Variants in CP observed in about 807,000 individuals in gnomAD.
The protein encoded by CP is caeruloplasmin.
In CP, 64 loss-of-function variants were observed where a neutral mutation model predicts 122.4. The observed-to-expected ratio is 0.52, with a 90% CI of 0.43 to 0.64. CP has a LOEUF of 0.64. Ranked by LOEUF, CP falls within the 30% of genes least tolerant of loss-of-function variation. The pLI is 0.00. For missense variants in CP, 1,167 were observed against 1,284.4 expected, an observed-to-expected ratio of 0.91 and a Z score of 1.40; for synonymous variants, 440 against 436.4, an observed-to-expected ratio of 1.01 and a Z score of -0.10.
downstream of CP, among the ~76,000 whole-genome samples, chr3:149,171,535 T>C (rs1177896366): frequency 3.3e-5 from 5 of 152,114 alleles, no homozygotes; most frequent in Non-Finnish European, 7.4e-5. Flanking sequence ...AATATAGTAA[T>C]TCAGCAATGA....
chr3:149,182,687 G>A (rs16861602), intron 13 of CP, among the ~76,000 whole-genome samples: 7,820 of 152,122 alleles, frequency 0.051, 663 homozygotes, highest in African/African-American at 0.18. Flanking sequence ...AAAATTGAAG[G>A]CAGCTTTGCC....
intron 11 of CP, 89 bp from the exon 12 acceptor site, chr3:149,185,535 A>T: frequency 2.4e-6 from 3 of 1,225,860 alleles, no homozygotes; most frequent in Non-Finnish European, 3.5e-6. Flanking sequence ...TGAAGTCCTT[A>T]TCATGGCCTC....
intron 12 of CP, among the ~76,000 whole-genome samples, chr3:149,184,990 C>G (rs2108234726): frequency 1.3e-5 from 2 of 152,004 alleles, no homozygotes; most frequent in African/African-American, 4.8e-5. Context: ...AGAAGACACT[C>G]CAGTAGAAAA....
intron 4 of CP, among the ~76,000 whole-genome samples, chr3:149,166,373 GA>G (rs2108181494): frequency 6.6e-6 from 1 of 152,256 alleles, no homozygotes; most frequent in African/African-American, 2.4e-5. Context: ...GGGGTGTAAA[GA>G]AAACAAAGAG....
downstream of CP, chr3:149,168,415 AC>A: frequency 5.1e-6 from 1 of 197,562 alleles, no homozygotes; most frequent in South Asian, 8.9e-5. Flanking sequence ...TCTAAATTGT[AC>A]CGTATTTTAC....
chr3:149,215,899 A>G (rs1452730637), intron 1 of CP, among the ~76,000 whole-genome samples: 1 of 152,230 alleles, frequency 6.6e-6, no homozygotes, highest in Non-Finnish European at 1.5e-5. Flanking sequence ...AAAAAAGAAA[A>G]GCCCGCTCCT....
chr3:149,199,975 C>A (rs186087404), intron 7 of CP, 111 bp from the exon 8 acceptor site: 12 of 1,125,942 alleles, frequency 1.1e-5, no homozygotes, highest in Non-Finnish European at 1.6e-5. Context: ...AGGAGCAACA[C>A]GCTTATTTGT....
chr3:149,201,370 C>T (rs902993843), intron 7 of CP, among the ~76,000 whole-genome samples: 1 of 152,064 alleles, frequency 6.6e-6, no homozygotes, highest in African/African-American at 2.4e-5. Context: ...ATCCGCCCGC[C>T]TCGGCCTCCC....
chr3:149,201,997 A>C, intron 7 of CP, 105 bp downstream of exon 7: 2 of 1,424,144 alleles, frequency 1.4e-6, no homozygotes, highest in Non-Finnish European at 2.0e-6. Context: ...ACGCCTACTT[A>C]ACACATAGAA....
chr3:149,163,796 C>G (rs373443188), intron 5 of CP: 7 of 1,044,410 alleles, frequency 6.7e-6, no homozygotes, highest in South Asian at 2.5e-5. Context: ...GATAAGCAAG[C>G]TTTTGTTGTT....
chr3:149,202,159 C>A lies in CP; in HGVS notation c.1291G>T (p.Ala431Ser), dbSNP rs1422518556. Residue 431 changes from alanine to serine, a missense_variant, in exon 7 of 19, where the codon GCC (alanine) becomes TCC (serine). Physicochemically the swap from Ala to Ser is moderately conservative, Grantham distance 99 (BLOSUM62 1). Around this residue, in one of 2 missense-constraint regions of CP, gnomAD observed 642 missense variants for 627.3 expected, o/e 1.02. Transcript: ENST00000264613. Reference sequence around the variant, plus strand: ...CTCTCCTTTCGATTTGTGAAGGAGGCATCTGTGTACTCACGATAAACCAGC... The same window carrying A: ...CTCTCCTTTCGATTTGTGAAGGAGGAATCTGTGTACTCACGATAAACCAGC... Reference protein sequence around the residue: ...KKLVYREYTDASFTNRKERGP... With the variant: ...KKLVYREYTDSSFTNRKERGP... 1 of 1,614,146 alleles carries A rather than the reference C, an allele frequency of 6.2e-7. No individual in the cohort carries two copies. The highest frequency in any genetic ancestry group is 1.7e-5 in the Admixed American group (1 of 60,026).
downstream of CP, among the ~76,000 whole-genome samples, chr3:149,170,899 G>A (rs1000362201): frequency 1.3e-5 from 2 of 152,232 alleles, no homozygotes; most frequent in Non-Finnish European, 1.5e-5. Context: ...CTTCTATTCC[G>A]GGAGAGGGCA....
intron 1 of CP, among the ~76,000 whole-genome samples, chr3:149,214,450 C>A (rs996806633): frequency 1.3e-5 from 2 of 152,018 alleles, no homozygotes; most frequent in African/African-American, 4.8e-5. Flanking sequence ...TGTATAAACC[C>A]GAATTCCCAA....
chr3:149,207,704 G>A (rs1296305545), intron 4 of CP, 87 bp from the exon 5 acceptor site: 5 of 1,434,522 alleles, frequency 3.5e-6, no homozygotes, highest in African/African-American at 2.8e-5. Flanking sequence ...AATCAATTTG[G>A]AATGGCAAAT....
Position 149,202,584 on chromosome 3 carries a change from G to T in CP, c.1209-343C>A, listed in dbSNP as rs34445333. 3.6e-3 allele frequency among the ~76,000 whole-genome samples: 506 copies of T among 139,612 alleles called. 2 individuals are homozygous for T. The highest frequency in any genetic ancestry group is 6.5e-3 in the Admixed American group (92 of 14,064). The allele number at this position is 139,612 out of a possible 152,430, so 91.6% of individuals were successfully genotyped here. On this transcript the variant is annotated intron_variant, in intron 6 of 18. Coordinates refer to ENST00000264613, the MANE Select transcript of CP (RefSeq NM_000096.4). ...TTAAAAACACAGTGGCTAGTTTTTT[G>T]TTGTTGTTGTTGTTGTTTGTCTTTT...
chr3:149,196,464 C>T (rs1346978297), intron 9 of CP, among the ~76,000 whole-genome samples: 2 of 151,794 alleles, frequency 1.3e-5, no homozygotes, highest in South Asian at 2.1e-4. Context: ...TCCAAATCCT[C>T]ACCAAAAAAA....
At chr3:149,219,102 T>C (rs1728649860) in intron 1 of CP, among the ~76,000 whole-genome samples, 1 of 152,172 alleles carries the variant, frequency 6.6e-6, no homozygotes, top group African/African-American at 2.4e-5. Context: ...ATTGGCAAAA[T>C]TGCTGAAGCT....
downstream of CP, chr3:149,168,088 C>T (rs890088765): frequency 4.1e-6 from 3 of 725,868 alleles, no homozygotes; most frequent in Non-Finnish European, 7.5e-6. Context: ...AAACCGAGGG[C>T]CTTTCAGAAC....
intron 6 of CP, among the ~76,000 whole-genome samples, chr3:149,204,412 T>C (rs1727560123): frequency 6.6e-6 from 1 of 152,186 alleles, no homozygotes; most frequent in South Asian, 2.1e-4. Context: ...AGATAGTTTC[T>C]ATAAAACAAG....
Sources: gnomAD v4.1 joint callset for allele counts (sites outside exome capture counted in the v4.1 genomes callset) on GRCh38, gnomAD v4.1.1 for gene constraint, gnomAD v4.1.1 regional missense constraint, MANE v1.5 for transcripts, NCBI Gene and HGNC (gene_info 2026-07-23, HGNC 2026-07-21) for gene names.